The following FCHO2 variants were observed in gnomAD, a reference collection of about 807,000 sequenced individuals.
FCHO2 encodes the protein F-BAR domain only protein 2.
FCHO2 carries 43 observed loss-of-function variants against 114.1 expected under a neutral mutation model. The observed-to-expected ratio is 0.38, with a 90% CI of 0.30 to 0.49. The LOEUF is 0.49. FCHO2 is among the 20% of genes least tolerant of loss of function. The pLI, the probability that FCHO2 is intolerant of heterozygous loss-of-function variation, is 0.97. For synonymous variants in FCHO2, 293 were observed against 315.2 expected, an observed-to-expected ratio of 0.93 and a Z score of 0.75; for missense variants, 807 against 950.4, an observed-to-expected ratio of 0.85 and a Z score of 1.98.
At chr5:73,059,107 TCAAAAAGCAGGCAC>T (rs543353943) in intron 17 of FCHO2, among the ~76,000 whole-genome samples, 27 of 152,288 alleles carry the variant, frequency 1.8e-4, no homozygotes, top group African/African-American at 6.5e-4. Flanking sequence ...TTTTCATTAG[TCAAAAAGCAGGCAC>T]CAAAAATGTA....
chr5:73,021,254 A>G, intron 8 of FCHO2: 1 of 601,966 alleles, frequency 1.7e-6, no homozygotes, highest in Non-Finnish European at 3.1e-6. Context: ...TTCATCCCAC[A>G]GTAACATGGA....
At chr5:72,969,938 G>A (rs1181793643) in intron 2 of FCHO2, among the ~76,000 whole-genome samples, 1 of 152,030 alleles carries the variant, frequency 6.6e-6, no homozygotes, top group Non-Finnish European at 1.5e-5. Context: ...CTTGTCACTT[G>A]GTAGGCCCTC....
At chr5:73,083,232 G>C (rs1482263955) in intron 24 of FCHO2, among the ~76,000 whole-genome samples, 1 of 152,070 alleles carries the variant, frequency 6.6e-6, no homozygotes. Context: ...TTAAGGGAAA[G>C]TTTATGTAAA....
intron 2 of FCHO2, among the ~76,000 whole-genome samples, chr5:72,984,536 A>G (rs2112653292): frequency 6.6e-6 from 1 of 152,338 alleles, no homozygotes; most frequent in South Asian, 2.1e-4. Context: ...AAAGTTTTAA[A>G]TTACATATTT....
chr5:73,052,382 G>A lies in FCHO2; in HGVS notation c.1048G>A (p.Glu350Lys), dbSNP rs1369806910. The A allele has an allele frequency of 6.2e-7, 1 of 1,608,824 alleles. No homozygotes were observed. The highest frequency in any genetic ancestry group is 1.3e-5 in the African/African-American group (1 of 74,984). ...YSSSDSDSED[E>K]EPKKYRIEIK... ...ATCTAGTGATTCTGACTCCGAAGAT[G>A]AAGAACCAAAGAAGTATCGGATAGA... Residue 350 changes from glutamate to lysine, a missense_variant, in exon 13 of 26, where the codon GAA (glutamate) becomes AAA (lysine). Glu to Lys is a moderately conservative substitution (Grantham distance 56). Coordinates refer to ENST00000430046, the MANE Select transcript of FCHO2 (RefSeq NM_138782.3).
intron 10 of FCHO2, among the ~76,000 whole-genome samples, chr5:73,040,677 TATTAC>T (rs1308352844): frequency 1.3e-5 from 2 of 152,228 alleles, no homozygotes; most frequent in African/African-American, 2.4e-5. Context: ...CTCAACTACA[TATTAC>T]ATTACATAAG....
intron 2 of FCHO2, among the ~76,000 whole-genome samples, chr5:72,985,165 TA>T (rs1180020005): frequency 2.0e-5 from 3 of 151,950 alleles, no homozygotes; most frequent in Non-Finnish European, 2.9e-5. Context: ...TTCTATTCAG[TA>T]CTTTTTTTTT....
At chr5:72,968,822 ATAT>A (rs1752347214) in intron 2 of FCHO2, among the ~76,000 whole-genome samples, 1 of 152,204 alleles carries the variant, frequency 6.6e-6, no homozygotes, top group African/African-American at 2.4e-5. Context: ...CTTCTTGAAA[ATAT>A]TATCTACATA....
intron 2 of FCHO2, among the ~76,000 whole-genome samples, chr5:72,972,051 T>C (rs1238344855): frequency 6.6e-6 from 1 of 152,018 alleles, no homozygotes; most frequent in Non-Finnish European, 1.5e-5. Flanking sequence ...TTCTGTTCCA[T>C]TGATCTATAT....
intron 1 of FCHO2, among the ~76,000 whole-genome samples, chr5:72,963,773 A>G (rs987673953): frequency 6.6e-6 from 1 of 151,968 alleles, no homozygotes; most frequent in Non-Finnish European, 1.5e-5. Context: ...CTGGTCTCAA[A>G]CTCTTAGCCT....
chr5:72,957,658 T>C (rs1385167404), intron 1 of FCHO2, among the ~76,000 whole-genome samples: 2 of 152,216 alleles, frequency 1.3e-5, no homozygotes, highest in Non-Finnish European at 2.9e-5. Flanking sequence ...ATGAACATTT[T>C]TGTACAAGTT....
At chr5:73,077,187 A>C in intron 20 of FCHO2, 151 bp from the exon 21 acceptor site, 2 of 498,570 alleles carry the variant, frequency 4.0e-6, no homozygotes, top group Non-Finnish European at 3.2e-6. Context: ...AATTGAAAAA[A>C]TAATCTATAG....
At position 73,020,819 on chromosome 5, in the gene FCHO2, C is replaced by T. The variant is rs575612225; in HGVS notation, c.796+3511C>T. The T allele has an allele frequency of 9.9e-5, 90 of 908,840 alleles. 1 individual carries two copies. Among genetic ancestry groups the T allele is most frequent in the South Asian group, 9.5e-4 (73 of 76,900 alleles). 56.3% of individuals were successfully genotyped at this position (908,840 alleles called of 1,614,324 possible). ...TCAGCCTCTTGAATGGTCCTGTCTGCGATGCTGCCGAGCTGCTCATCTGAG... is the reference window on the plus strand; with the variant it reads ...TCAGCCTCTTGAATGGTCCTGTCTGTGATGCTGCCGAGCTGCTCATCTGAG... On this transcript the variant is annotated intron_variant, in intron 8 of 25. Coordinates refer to ENST00000430046, the MANE Select transcript of FCHO2 (RefSeq NM_138782.3).
rs115320514 is a variant in FCHO2, at chr5:73,088,496, A to G, written c.*406A>G. 1,123 of 180,352 alleles carry G rather than the reference A, an allele frequency of 6.2e-3. 17 individuals carry two copies. Among genetic ancestry groups the G allele is most frequent in the African/African-American group, 0.025 (1,070 of 42,466 alleles). The allele number at this position is 180,352 out of a possible 1,614,324, so 11.2% of individuals were successfully genotyped here. ...GAGTCAGAGATAACTTTGAAATTTCATAAGTTTGATATTCAGTGGATACAA... is the reference window on the plus strand; with the variant it reads ...GAGTCAGAGATAACTTTGAAATTTCGTAAGTTTGATATTCAGTGGATACAA... On this transcript the variant is annotated 3_prime_UTR_variant, in exon 26 of 26. Transcript: ENST00000430046.
At chr5:73,081,324 G>A (rs773218403) in intron 22 of FCHO2, among the ~76,000 whole-genome samples, 5 of 152,160 alleles carry the variant, frequency 3.3e-5, no homozygotes, top group Non-Finnish European at 7.4e-5. Flanking sequence ...TTAAACATTT[G>A]AAGTTGGAAG....
intron 19 of FCHO2, among the ~76,000 whole-genome samples, chr5:73,073,252 CTG>C (rs2112883106): frequency 6.6e-6 from 1 of 152,100 alleles, no homozygotes; most frequent in East Asian, 1.9e-4. Context: ...AGGATTTACT[CTG>C]TGTTCAGAGA....
chr5:72,986,810 A>G (rs1753544444), intron 2 of FCHO2, among the ~76,000 whole-genome samples: 1 of 152,132 alleles, frequency 6.6e-6, no homozygotes, highest in African/African-American at 2.4e-5. Flanking sequence ...TGTTTTATAC[A>G]CACCATATAC....
chr5:72,977,967 C>T (rs1232224937), intron 2 of FCHO2, among the ~76,000 whole-genome samples: 3 of 152,076 alleles, frequency 2.0e-5, no homozygotes, highest in African/African-American at 7.2e-5. Context: ...TCTTCTGTTC[C>T]ATTGGTCTAT....
chr5:72,988,973 C>G (rs1267623871), intron 2 of FCHO2, among the ~76,000 whole-genome samples: 1 of 152,106 alleles, frequency 6.6e-6, no homozygotes, highest in African/African-American at 2.4e-5. Context: ...CTTTGGGAGG[C>G]CTAGGTGGGA....
Sources: allele counts gnomAD v4.1 joint callset (sites outside exome capture counted in the v4.1 genomes callset), GRCh38; gene constraint gnomAD v4.1.1; transcripts MANE v1.5; gene names NCBI Gene and HGNC (gene_info 2026-07-23, HGNC 2026-07-21).